Variants in XRCC4 observed in about 807,000 individuals in gnomAD.
XRCC4 encodes the protein X-ray repair cross complementing 4, also known as DNA repair protein XRCC4.
A neutral mutation model predicts 39.1 loss-of-function variants in XRCC4; 28 were observed. That is an observed-to-expected ratio of 0.72 (90% CI 0.53 to 0.98). The LOEUF (loss-of-function observed/expected upper bound fraction) is 0.98. Among genes scored for constraint, XRCC4 ranks in the 50% least tolerant of loss-of-function variants. The pLI is 0.00. For synonymous variants in XRCC4, 123 were observed against 126.4 expected, an observed-to-expected ratio of 0.97 and a Z score of 0.18; for missense variants, 350 against 376.4, an observed-to-expected ratio of 0.93 and a Z score of 0.58.
In XRCC4 at chr5:83,305,131, A is replaced by G. The variant is rs369622434; in HGVS notation, c.893+46454A>G. On this transcript the variant is annotated intron_variant, in intron 7 of 7. Coordinates refer to ENST00000396027, the MANE Select transcript of XRCC4 (RefSeq NM_003401.5). ...AGCTTTATTTTTAGAACAGTTTTAG[A>G]TTTACAAAAAAGTTGAGAACATAGT... Among the ~76,000 whole-genome samples, 12 of 152,186 alleles carry G rather than the reference A, an allele frequency of 7.9e-5. No homozygotes were observed. The East Asian group carries it at 1.9e-3, about 24-fold the overall frequency.
intron 7 of XRCC4, among the ~76,000 whole-genome samples, chr5:83,285,951 A>G (rs1754719612): frequency 1.3e-5 from 2 of 152,016 alleles, no homozygotes; most frequent in Admixed American, 1.3e-4. Context: ...CCTTTTTTCA[A>G]AGTTTATTTG....
At chr5:83,340,618 T>TAA (rs34646294) in intron 7 of XRCC4, among the ~76,000 whole-genome samples, 80 of 145,202 alleles carry the variant, frequency 5.5e-4, no homozygotes, top group South Asian at 3.0e-3. Context: ...CTCTACAAGC[T>TAA]AAAAAAAAAA....
At chr5:83,320,590 T>C (rs1029899448) in intron 7 of XRCC4, among the ~76,000 whole-genome samples, 3 of 151,614 alleles carry the variant, frequency 2.0e-5, no homozygotes, top group African/African-American at 7.3e-5. Flanking sequence ...GAGAAATATT[T>C]TGTGAAGGGG....
At chr5:83,187,514 T>G (rs1185785511) in intron 3 of XRCC4, among the ~76,000 whole-genome samples, 5 of 152,150 alleles carry the variant, frequency 3.3e-5, no homozygotes, top group Non-Finnish European at 5.9e-5. Flanking sequence ...TCTACCACAT[T>G]CAGGAATATT....
At chr5:83,294,420 A>C (rs530833634) in intron 7 of XRCC4, among the ~76,000 whole-genome samples, 46 of 152,232 alleles carry the variant, frequency 3.0e-4, no homozygotes, top group African/African-American at 1.1e-3. Context: ...TTTACCGATT[A>C]CTTTAGCTGT....
At chr5:83,305,386 T>G (rs1314424067) in intron 7 of XRCC4, among the ~76,000 whole-genome samples, 1 of 152,120 alleles carries the variant, frequency 6.6e-6, no homozygotes, top group Admixed American at 6.6e-5. Context: ...AAAATAAATT[T>G]AAGAAATGCT....
chr5:83,370,474 T>C, the XRCC4 span, among the ~76,000 whole-genome samples: 33 of 152,328 alleles, frequency 2.2e-4, no homozygotes, highest in South Asian at 6.4e-3. Context: ...CTCATTTCTT[T>C]ACTTATCTCT....
intron 7 of XRCC4, among the ~76,000 whole-genome samples, chr5:83,285,717 T>C (rs1754711453): frequency 6.6e-6 from 1 of 152,136 alleles, no homozygotes; most frequent in Non-Finnish European, 1.5e-5. Context: ...GGTTGTTTGT[T>C]TCATTGACAA....
At chr5:83,109,839 AGAAAGGAACCTG>A (rs1474173215) in intron 2 of XRCC4, among the ~76,000 whole-genome samples, 1 of 151,978 alleles carries the variant, frequency 6.6e-6, no homozygotes, top group Non-Finnish European at 1.5e-5. Context: ...CTCAGCATAA[AGAAAGGAACCTG>A]GAAAATATAT....
intron 6 of XRCC4, among the ~76,000 whole-genome samples, chr5:83,234,055 T>G (rs990790663): frequency 2.6e-5 from 4 of 152,202 alleles, no homozygotes; most frequent in African/African-American, 9.6e-5. Context: ...CGAACATCTC[T>G]AAATCTCACT....
At chr5:83,152,657 A>G (rs1748768021) in intron 3 of XRCC4, among the ~76,000 whole-genome samples, 1 of 151,118 alleles carries the variant, frequency 6.6e-6, no homozygotes, top group Non-Finnish European at 1.5e-5. Flanking sequence ...AAAAAAAGAA[A>G]TAGAACTTCA....
At chr5:83,278,598 C>G (rs1754418467) in intron 7 of XRCC4, among the ~76,000 whole-genome samples, 1 of 152,138 alleles carries the variant, frequency 6.6e-6, no homozygotes, top group African/African-American at 2.4e-5. Context: ...AGCGCCTAAA[C>G]TAGTTTTCTC....
At chr5:83,137,947 A>G (rs1747978925) in intron 3 of XRCC4, among the ~76,000 whole-genome samples, 1 of 152,218 alleles carries the variant, frequency 6.6e-6, no homozygotes, top group African/African-American at 2.4e-5. Context: ...ATGTTTGCAT[A>G]GTGGACAGAA....
chr5:83,250,403 G>A (rs1432221376), intron 6 of XRCC4, among the ~76,000 whole-genome samples: 2 of 152,056 alleles, frequency 1.3e-5, no homozygotes, highest in Non-Finnish European at 2.9e-5. Flanking sequence ...TTATTATTAG[G>A]TTCCATTAGT....
intron 7 of XRCC4, among the ~76,000 whole-genome samples, chr5:83,305,391 A>T (rs1340721654): frequency 2.6e-5 from 4 of 152,140 alleles, no homozygotes; most frequent in Non-Finnish European, 5.9e-5. Context: ...AAATTTAAGA[A>T]ATGCTAAGTA....
chr5:83,194,554 T>C (rs1283050203), intron 3 of XRCC4, among the ~76,000 whole-genome samples: 5 of 152,210 alleles, frequency 3.3e-5, no homozygotes, highest in Non-Finnish European at 7.3e-5. Context: ...GTATGTAATA[T>C]ATTTATAGAA....
chr5:83,370,842 C>T, the XRCC4 span, among the ~76,000 whole-genome samples: 7,760 of 152,196 alleles, frequency 0.051, 264 homozygotes, highest in African/African-American at 0.1. Flanking sequence ...ACATCACAGC[C>T]ACATACCAAG....
At chr5:83,111,275 A>C (rs1007935745) in intron 3 of XRCC4, 72 bp downstream of exon 3, 1 of 1,299,080 alleles carries the variant, frequency 7.7e-7, no homozygotes, top group Admixed American at 3.1e-5. Context: ...ATTTAAATTT[A>C]AGTGACTACT....
chr5:83,135,252 T>C (rs967908998), intron 3 of XRCC4, among the ~76,000 whole-genome samples: 1 of 152,180 alleles, frequency 6.6e-6, no homozygotes, highest in Admixed American at 6.5e-5. Context: ...CAGTGAGATG[T>C]ACCTGGTACC....
Sources: allele counts gnomAD v4.1 joint callset (sites outside exome capture counted in the v4.1 genomes callset), GRCh38; gene constraint gnomAD v4.1.1; transcripts MANE v1.5; gene names NCBI Gene and HGNC (gene_info 2026-07-23, HGNC 2026-07-21).